The following DNAH8 variants were observed in gnomAD, a reference collection of about 807,000 sequenced individuals.
DNAH8 encodes the protein axonemal beta dynein heavy chain 8.
DNAH8 carries 382 observed loss-of-function variants against 562.1 expected under a neutral mutation model. That is an observed-to-expected ratio of 0.68 (90% confidence interval 0.63 to 0.74). The LOEUF (loss-of-function observed/expected upper bound fraction) is 0.74. Ranked by LOEUF, DNAH8 falls within the 30% of genes least tolerant of loss-of-function variation. The pLI, the probability that DNAH8 is intolerant of heterozygous loss-of-function variation, is 0.00. For missense variants in DNAH8, 5,203 were observed against 5,620.4 expected, an observed-to-expected ratio of 0.93 and a Z score of 2.37; for synonymous variants, 1,881 against 1,919.4, an observed-to-expected ratio of 0.98 and a Z score of 0.52.
chr6:38,819,804 A>G (rs1283426298), intron 26 of DNAH8, among the ~76,000 whole-genome samples: 1 of 152,048 alleles, frequency 6.6e-6, no homozygotes, highest in East Asian at 1.9e-4. Flanking sequence ...AACATACAAA[A>G]CCCCCAGTAT....
At chr6:38,796,122 T>C (rs1340564828) in intron 21 of DNAH8, among the ~76,000 whole-genome samples, 1 of 152,176 alleles carries the variant, frequency 6.6e-6, no homozygotes, top group Admixed American at 6.5e-5. Flanking sequence ...TGCTCTTTCC[T>C]GATTTGCCTC....
At position 38,913,961 on chromosome 6, in the gene DNAH8, G is replaced by A; in HGVS notation, c.9963+9G>A. The A allele has an allele frequency of 1.2e-6, 2 of 1,600,632 alleles. No homozygotes were observed. Among genetic ancestry groups the A allele is most frequent in the Non-Finnish European group, 1.7e-6 (2 of 1,168,492 alleles). On this transcript the variant is annotated intron_variant, in intron 67 of 92. Coordinates refer to ENST00000327475, the MANE Select transcript of DNAH8 (RefSeq NM_001206927.2). ...CCATAAAAGCAGACGAAGTGAGTTT[G>A]CATTTATTTTATCACTGATGAGGAA...
intron 53 of DNAH8, among the ~76,000 whole-genome samples, chr6:38,881,865 T>G (rs1160371521): frequency 3.3e-5 from 5 of 152,116 alleles, no homozygotes; most frequent in Admixed American, 3.3e-4. Flanking sequence ...AATCAATTTC[T>G]TATGGCAAAT....
rs534147740 is a variant in DNAH8 at position 38,866,231 on chromosome 6, A to G, written c.6499-360A>G. Among the ~76,000 whole-genome samples, 4 of 152,306 alleles carry G rather than the reference A, an allele frequency of 2.6e-5. No homozygotes were observed. In the South Asian group the frequency reaches 6.2e-4, roughly 24 times the overall value. ...AATCCTTAGTTTTTTTCTTCTTTCAATAACATACTTTAGACCATAATTATC... is the reference window on the plus strand; with the variant it reads ...AATCCTTAGTTTTTTTCTTCTTTCAGTAACATACTTTAGACCATAATTATC... On this transcript the variant is annotated intron_variant, in intron 45 of 92. Coordinates refer to ENST00000327475, the MANE Select transcript of DNAH8 (RefSeq NM_001206927.2).
chr6:38,952,064 T>C (rs1939558109), intron 82 of DNAH8, among the ~76,000 whole-genome samples: 1 of 152,170 alleles, frequency 6.6e-6, no homozygotes, highest in African/African-American at 2.4e-5. Context: ...ATGTGACAAC[T>C]GCAGTAAATG....
At chr6:38,845,827 T>A in intron 36 of DNAH8, 54 bp downstream of exon 36, 1 of 1,469,540 alleles carries the variant, frequency 6.8e-7, no homozygotes, top group Non-Finnish European at 9.5e-7. Flanking sequence ...GGTTATAAAA[T>A]TCTAAGTAAA....
intron 18 of DNAH8, among the ~76,000 whole-genome samples, 168 bp from the exon 19 acceptor site, chr6:38,789,635 A>G (rs1420817326): frequency 2.0e-5 from 3 of 152,228 alleles, no homozygotes; most frequent in Non-Finnish European, 4.4e-5. Flanking sequence ...CAGGTAATTT[A>G]CAGGTACAGA....
intron 8 of DNAH8, among the ~76,000 whole-genome samples, chr6:38,747,857 A>G (rs1765093663): frequency 1.3e-5 from 2 of 152,170 alleles, no homozygotes; most frequent in African/African-American, 2.4e-5. Flanking sequence ...AGTTTTATAT[A>G]TTTTTGAAAT....
intron 26 of DNAH8, among the ~76,000 whole-genome samples, chr6:38,819,074 A>G (rs761453879): frequency 6.6e-6 from 1 of 152,198 alleles, no homozygotes; most frequent in Admixed American, 6.5e-5. Flanking sequence ...ATCCTGCCCC[A>G]TAGCTTCCCC....
Position 38,749,019 on chromosome 6 carries a change from C to T in DNAH8, c.1294-1457C>T, listed in dbSNP as rs779527959. 9.2e-5 allele frequency among the ~76,000 whole-genome samples: 14 copies of T among 151,964 alleles called. 1 individual carries two copies. Among genetic ancestry groups the T allele is most frequent in the Middle Eastern group, 6.3e-3 (2 of 316 alleles). ...ATTGACCAGATCACACTGAAGGCTT[C>T]CTTTCATTCCTGAGGCATATGTATT... On this transcript the variant is annotated intron_variant, in intron 8 of 92. Coordinates refer to ENST00000327475, the MANE Select transcript of DNAH8 (RefSeq NM_001206927.2).
intron 9 of DNAH8, 119 bp downstream of exon 9, chr6:38,750,708 T>C: frequency 2.0e-6 from 1 of 510,838 alleles, no homozygotes; most frequent in Non-Finnish European, 3.4e-6. Context: ...AAGGCTGCAG[T>C]GAGCTATGGT....
chr6:38,779,888 A>C, intron 14 of DNAH8, 78 bp from the exon 15 acceptor site: 1 of 1,333,664 alleles, frequency 7.5e-7, no homozygotes, highest in South Asian at 1.2e-5. Flanking sequence ...AAATGAATGA[A>C]TGGATGGTTA....
intron 38 of DNAH8, among the ~76,000 whole-genome samples, chr6:38,851,371 G>A (rs562370776): frequency 1.3e-5 from 2 of 152,314 alleles, no homozygotes; most frequent in East Asian, 3.9e-4. Flanking sequence ...GCCTTGCTCT[G>A]AATCTCTTGT....
chr6:38,911,258 G>A (rs979015662), intron 65 of DNAH8, among the ~76,000 whole-genome samples: 1 of 152,198 alleles, frequency 6.6e-6, no homozygotes, highest in African/African-American at 2.4e-5. Flanking sequence ...CAGAGTTGGA[G>A]TTAAGGGTGA....
At chr6:38,974,350 A>G (rs1763537751) in intron 84 of DNAH8, 24 bp from the exon 85 acceptor site, 1 of 1,566,246 alleles carries the variant, frequency 6.4e-7, no homozygotes, top group African/African-American at 1.4e-5. Flanking sequence ...TAGAAACAAA[A>G]GCACTGTTTT....
At chr6:38,756,688 A>G (rs1002594449) in intron 10 of DNAH8, among the ~76,000 whole-genome samples, 11 of 117,884 alleles carry the variant, frequency 9.3e-5, no homozygotes, top group Middle Eastern at 5.2e-3. Context: ...ACCCCATGAC[A>G]GGCCCCAGTG....
intron 26 of DNAH8, among the ~76,000 whole-genome samples, chr6:38,817,301 C>T (rs1037398880): frequency 1.3e-5 from 2 of 152,134 alleles, no homozygotes; most frequent in African/African-American, 4.8e-5. Flanking sequence ...TGAGATTGCA[C>T]CACTGCACTA....
At chr6:38,895,740 C>G (rs1348060466) in intron 59 of DNAH8, among the ~76,000 whole-genome samples, 6 of 152,080 alleles carry the variant, frequency 3.9e-5, no homozygotes, top group Non-Finnish European at 8.8e-5. Flanking sequence ...ATCCACCAAC[C>G]CAGAAAGAGG....
chr6:39,004,018 C>CT (rs1255943091), intron 88 of DNAH8, among the ~76,000 whole-genome samples: 2 of 151,778 alleles, frequency 1.3e-5, no homozygotes, highest in Non-Finnish European at 2.9e-5. Context: ...ATTATGTACT[C>CT]TGTTTCTGTT....
Sources: allele counts gnomAD v4.1 joint callset (sites outside exome capture counted in the v4.1 genomes callset), GRCh38; gene constraint gnomAD v4.1.1; transcripts MANE v1.5; gene names NCBI Gene and HGNC (gene_info 2026-07-23, HGNC 2026-07-21).